Variants in NOTCH2 observed in about 807,000 individuals in gnomAD.
NOTCH2 encodes notch receptor 2.
NOTCH2 carries 29 observed loss-of-function variants against 235.8 expected under a neutral mutation model. The ratio of observed to expected loss-of-function variants is 0.12; its 90% CI spans 0.09 to 0.17. The LOEUF (loss-of-function observed/expected upper bound fraction) is 0.17, where lower values mean the gene tolerates loss of function less well. Ranked by LOEUF, NOTCH2 falls within the 10% of genes least tolerant of loss-of-function variation. The pLI, the probability that NOTCH2 is intolerant of heterozygous loss-of-function variation, is 1.00. For missense variants in NOTCH2, 2,285 were observed against 3,150.2 expected, an observed-to-expected ratio of 0.73 and a Z score of 6.57; for synonymous variants, 1,086 against 1,141.5, an observed-to-expected ratio of 0.95 and a Z score of 0.98.
At chr1:119,983,720 A>C (rs1651904648) in intron 5 of NOTCH2, among the ~76,000 whole-genome samples, 1 of 152,232 alleles carries the variant, frequency 6.6e-6, no homozygotes, top group African/African-American at 2.4e-5. Context: ...ACCCTAAATC[A>C]AACCATGAAT....
At chr1:119,935,024 G>T in intron 22 of NOTCH2, 1 of 838,346 alleles carries the variant, frequency 1.2e-6, no homozygotes, top group Non-Finnish European at 1.4e-6. Flanking sequence ...CTCCCCTGAA[G>T]CTATGAAAAT....
intron 5 of NOTCH2, among the ~76,000 whole-genome samples, chr1:119,986,275 C>A (rs1184205171): frequency 6.6e-6 from 1 of 152,144 alleles, no homozygotes; most frequent in African/African-American, 2.4e-5. Context: ...AGTAGATAAA[C>A]AGACATAAAG....
chr1:120,031,141 TCAGAGAGACGC>T (rs1553210929), intron 1 of NOTCH2, among the ~76,000 whole-genome samples: 15 of 150,870 alleles, frequency 9.9e-5, no homozygotes, highest in African/African-American at 3.7e-4. Flanking sequence ...TTGTGCAAGA[TCAGAGAGACGC>T]TAGGCCTGGC....
chr1:119,977,311 C>T (rs987717681), intron 5 of NOTCH2, among the ~76,000 whole-genome samples: 1 of 152,134 alleles, frequency 6.6e-6, no homozygotes, highest in Non-Finnish European at 1.5e-5. Context: ...CCAGTTCACA[C>T]GCAAACCCCT....
In NOTCH2 at chr1:120,065,893, A is replaced by G. The variant is rs1655487483; in HGVS notation, c.73+3441T>C. Among the ~76,000 whole-genome samples the G allele has an allele frequency of 3.9e-5, 6 of 152,100 alleles. No homozygotes were observed. The South Asian group carries it at 1.2e-3, about 32-fold the overall frequency. On this transcript the variant is annotated intron_variant, in intron 1 of 33. Transcript: ENST00000256646. ...ACTATGGACTGTGAACACAATATAA[A>G]GAAAATGATGTAAAATTTCTTATAT...
intron 22 of NOTCH2, among the ~76,000 whole-genome samples, chr1:119,931,101 T>TCA (rs782359839): frequency 0.013 from 1,763 of 138,258 alleles, 41 homozygotes; most frequent in African/African-American, 0.029. Flanking sequence ...AGACTCTGTC[T>TCA]TAAAAAAAAA....
chr1:119,961,723 C>T (rs1553198986), intron 11 of NOTCH2, among the ~76,000 whole-genome samples: 2 of 152,158 alleles, frequency 1.3e-5, no homozygotes, highest in Non-Finnish European at 2.9e-5. Flanking sequence ...ATCATAAAAG[C>T]ACAGATGAGA....
chr1:119,963,083 G>C (rs782663898), intron 11 of NOTCH2, among the ~76,000 whole-genome samples: 4 of 151,844 alleles, frequency 2.6e-5, no homozygotes, highest in Non-Finnish European at 4.4e-5. Context: ...GGCCCCACCA[G>C]AGACAAGTGA....
At chr1:119,987,752 T>G (rs1652075528) in intron 4 of NOTCH2, among the ~76,000 whole-genome samples, 2 of 152,174 alleles carry the variant, frequency 1.3e-5, no homozygotes, top group African/African-American at 4.8e-5. Flanking sequence ...TATACAAATG[T>G]TAAAAGGTAT....
intron 22 of NOTCH2, among the ~76,000 whole-genome samples, chr1:119,929,935 T>A (rs1333310837): frequency 5.9e-5 from 9 of 152,246 alleles, no homozygotes; most frequent in African/African-American, 2.2e-4. Flanking sequence ...TTACTGTACC[T>A]TTTAAATCTT....
Position 119,922,238 on chromosome 1 carries a change from C to T in NOTCH2, c.5211G>A (p.Leu1737=), listed in dbSNP as rs780021563. The T allele has an allele frequency of 1.2e-6, 2 of 1,613,678 alleles. No homozygotes were observed. The highest frequency in any genetic ancestry group is 1.7e-6 in the Non-Finnish European group (2 of 1,179,892). ...GGCTTATTGGCAATGCCTCTTACTT[C>T]AGCCCCACAGCATCCTGTCCCACTG... The part of the protein sequence containing the change: ...REPVGQDAVG[L]KNLSVQVSEA... Residue 1737 remains leucine (L), a splice_region_variant and synonymous_variant, in exon 28 of 34, where the codon CTG becomes CTA. Transcript: ENST00000256646.
chr1:120,041,973 A>G (rs1318083790), intron 1 of NOTCH2, among the ~76,000 whole-genome samples: 15 of 146,944 alleles, frequency 1.0e-4, no homozygotes, highest in African/African-American at 4.0e-4. Context: ...AAGGAAAGGA[A>G]AGGAAAGAAA....
At chr1:120,037,434 AGGAGAATTGAGGGCAGACAAG>A (rs1249566669) in intron 1 of NOTCH2, among the ~76,000 whole-genome samples, 2 of 152,004 alleles carry the variant, frequency 1.3e-5, no homozygotes, top group African/African-American at 4.8e-5. Context: ...TACCAAAAAT[AGGAGAATTGAGGGCAGACAAG>A]GAGACATCAG....
At chr1:119,971,970 TAATGAGGGA>T (rs1651378099) in intron 5 of NOTCH2, among the ~76,000 whole-genome samples, 1 of 149,838 alleles carries the variant, frequency 6.7e-6, no homozygotes, top group Non-Finnish European at 1.5e-5. Context: ...GTAATGAGGG[TAATGAGGGA>T]AATGAGGGAG....
At chr1:120,058,241 C>A (rs111897026) in intron 1 of NOTCH2, among the ~76,000 whole-genome samples, 1 of 152,148 alleles carries the variant, frequency 6.6e-6, no homozygotes, top group African/African-American at 2.4e-5. Flanking sequence ...CGGTGGCTCA[C>A]GCCTGTAATC....
At chr1:119,954,926 C>T (rs1650627395) in intron 13 of NOTCH2, 114 bp downstream of exon 13, 1 of 1,013,950 alleles carries the variant, frequency 9.9e-7, no homozygotes, top group Admixed American at 1.9e-5. Context: ...ACCAAATCTT[C>T]AGCAAAGTTT....
At chr1:119,929,795 C>G (rs1012689770) in intron 22 of NOTCH2, among the ~76,000 whole-genome samples, 4 of 152,240 alleles carry the variant, frequency 2.6e-5, no homozygotes, top group Non-Finnish European at 5.9e-5. Context: ...CAGTAGTGTA[C>G]AGTAATGTCC....
chr1:120,029,346 T>A (rs1437731783), intron 2 of NOTCH2, among the ~76,000 whole-genome samples: 5 of 151,978 alleles, frequency 3.3e-5, no homozygotes, highest in South Asian at 2.1e-4. Flanking sequence ...TATATTTTTT[T>A]ATATTTTTTT....
At chr1:120,063,133 T>C (rs1655372311) in intron 1 of NOTCH2, among the ~76,000 whole-genome samples, 1 of 151,676 alleles carries the variant, frequency 6.6e-6, no homozygotes, top group African/African-American at 2.4e-5. Flanking sequence ...CAAGTGTCTT[T>C]GTGAGAGGAG....
Sources: allele counts gnomAD v4.1 joint callset (sites outside exome capture counted in the v4.1 genomes callset), GRCh38; gene constraint gnomAD v4.1.1; transcripts MANE v1.5; gene names NCBI Gene and HGNC (gene_info 2026-07-23, HGNC 2026-07-21).